CTBP2: variants seen among roughly 807,000 people sequenced by gnomAD.
CTBP2 encodes C-terminal binding protein 2.
In CTBP2, 30 loss-of-function variants were observed where a neutral mutation model predicts 80.3. That is an observed-to-expected ratio of 0.37 (90% CI 0.28 to 0.51). The LOEUF (loss-of-function observed/expected upper bound fraction) is 0.51. CTBP2 is among the 20% of genes least tolerant of loss of function. The pLI is 0.93. For missense variants in CTBP2, 1,212 were observed against 1,375.3 expected (o/e 0.88, Z 1.88); for synonymous variants, 594 against 587.4 (o/e 1.01, Z -0.16).
chr10:125,008,814 A>G (rs961988310), intron 1 of CTBP2, among the ~76,000 whole-genome samples: 2 of 152,256 alleles, frequency 1.3e-5, no homozygotes, highest in African/African-American at 4.8e-5. Flanking sequence ...AAGGAAATCA[A>G]TGTACGTTAT....
chr10:125,082,834 T>TC (rs1200908567), intron 2 of CTBP2, among the ~76,000 whole-genome samples: 1 of 152,130 alleles, frequency 6.6e-6, no homozygotes, highest in Non-Finnish European at 1.5e-5. Flanking sequence ...AATGATCCGC[T>TC]CGCCTCGGCC....
rs568291976 is a variant in CTBP2, at chr10:125,150,919, A to G, written c.-206+9400T>C. Among the ~76,000 whole-genome samples, 9 of 149,644 alleles carry G rather than the reference A, an allele frequency of 6.0e-5. No individual in the cohort carries two copies. In the East Asian group the frequency reaches 8.2e-4, roughly 14 times the overall value. On this transcript the variant is annotated intron_variant, in intron 1 of 10. Coordinates refer to the CTBP2 transcript ENST00000337195. ...TCTGGATCACAGACTCACTATGTCC[A>G]GGAAAAGGCCAGACACCTGCCTTGA...
intron 2 of CTBP2, among the ~76,000 whole-genome samples, chr10:125,060,849 G>A (rs770962971): frequency 3.9e-5 from 6 of 152,202 alleles, no homozygotes; most frequent in Non-Finnish European, 7.3e-5. Context: ...ACTGTGGACC[G>A]CAGCTGGAGA....
In CTBP2 at chr10:125,027,551, A is replaced by T. The variant is rs778763156; in HGVS notation, c.209T>A (p.Leu70Gln). 6.2e-7 allele frequency: 1 copy of T among 1,614,138 alleles called. No homozygotes were observed. The highest frequency in any genetic ancestry group is 1.1e-5 in the South Asian group (1 of 91,084). Residue 70 changes from leucine to glutamine, a missense_variant, in exon 1 of 9, where the codon CTG becomes CAG. Transcript: ENST00000309035. The stretch of plus-strand genomic sequence containing the variant: ...TGAGTTATAAACGGCCTCCCGGTAC[A>T]GGTAGGGCTCGGCGGCCACGGGCAG...
intron 2 of CTBP2, among the ~76,000 whole-genome samples, chr10:125,051,369 G>A (rs1962708647): frequency 6.6e-6 from 1 of 152,218 alleles, no homozygotes; most frequent in South Asian, 2.1e-4. Flanking sequence ...GCCAGGCATG[G>A]TGGCTCACGC....
At chr10:125,152,699 C>G (rs1477724283) in intron 1 of CTBP2, among the ~76,000 whole-genome samples, 2 of 152,114 alleles carry the variant, frequency 1.3e-5, no homozygotes, top group Non-Finnish European at 2.9e-5. Context: ...ATTGATTGCC[C>G]TCCTAGTGTG....
chr10:124,992,393 C>T (rs1401612217), intron 8 of CTBP2, among the ~76,000 whole-genome samples: 6 of 151,958 alleles, frequency 3.9e-5, no homozygotes, highest in African/African-American at 7.3e-5. Flanking sequence ...CGCCACCACA[C>T]GTGACTGGGA....
At chr10:125,005,703 A>G in intron 1 of CTBP2, 3 of 1,612,920 alleles carry the variant, frequency 1.9e-6, no homozygotes, top group Non-Finnish European at 2.5e-6. Flanking sequence ...AGAAAATGGT[A>G]CAACTGCCAA....
At chr10:125,102,865 G>A (rs562520136) in intron 2 of CTBP2, among the ~76,000 whole-genome samples, 1 of 152,310 alleles carries the variant, frequency 6.6e-6, no homozygotes, top group Non-Finnish European at 1.5e-5. Context: ...GAGCCAGTGG[G>A]CCTTCTTGCT....
At chr10:125,019,384 G>C (rs1956832166) in intron 1 of CTBP2, among the ~76,000 whole-genome samples, 4 of 152,166 alleles carry the variant, frequency 2.6e-5, no homozygotes, top group African/African-American at 7.2e-5. Flanking sequence ...AAAAGCTTTA[G>C]AATTCTGGCT....
At chr10:125,068,829 C>G (rs1022459952) in intron 2 of CTBP2, among the ~76,000 whole-genome samples, 17 of 152,220 alleles carry the variant, frequency 1.1e-4, no homozygotes, top group Non-Finnish European at 1.9e-4. Context: ...TCCCTTGCAA[C>G]TTGGAGGTCA....
At chr10:125,140,629 C>T (rs1286965873) in intron 1 of CTBP2, among the ~76,000 whole-genome samples, 1 of 152,062 alleles carries the variant, frequency 6.6e-6, no homozygotes, top group Non-Finnish European at 1.5e-5. Flanking sequence ...TCGAGACCAG[C>T]CTGGCTAACA....
chr10:125,042,337 C>A (rs1465856160), intron 2 of CTBP2, among the ~76,000 whole-genome samples: 1 of 151,986 alleles, frequency 6.6e-6, no homozygotes, highest in Non-Finnish European at 1.5e-5. Flanking sequence ...CAAGCCAGCA[C>A]CCCCGATCCA....
intron 2 of CTBP2, among the ~76,000 whole-genome samples, chr10:125,099,484 C>A (rs1028661462): frequency 6.6e-6 from 1 of 152,196 alleles, no homozygotes; most frequent in Non-Finnish European, 1.5e-5. Context: ...GCCCTCCCCC[C>A]AAGTTCACTG....
chr10:125,097,902 G>A (rs1849790733), intron 2 of CTBP2, among the ~76,000 whole-genome samples: 1 of 152,164 alleles, frequency 6.6e-6, no homozygotes, highest in African/African-American at 2.4e-5. Context: ...GGATCATGCA[G>A]GTGGATCACT....
At chr10:125,092,592 C>A (rs1848939941) in intron 2 of CTBP2, among the ~76,000 whole-genome samples, 1 of 152,138 alleles carries the variant, frequency 6.6e-6, no homozygotes, top group South Asian at 2.1e-4. Context: ...CAGATCTGGA[C>A]AGACACACAC....
At chr10:125,157,616 C>T (rs989185231) in intron 1 of CTBP2, among the ~76,000 whole-genome samples, 2 of 151,776 alleles carry the variant, frequency 1.3e-5, no homozygotes, top group African/African-American at 2.4e-5. Flanking sequence ...TGCCTTCAAC[C>T]CTCTCTCCCT....
At chr10:125,015,306 T>A (rs1956358256) in intron 1 of CTBP2, among the ~76,000 whole-genome samples, 1 of 152,230 alleles carries the variant, frequency 6.6e-6, no homozygotes, top group Non-Finnish European at 1.5e-5. Context: ...CATTAGCTTC[T>A]CTTCGAGTCC....
chr10:125,065,228 C>G (rs1416362380), intron 2 of CTBP2, among the ~76,000 whole-genome samples: 2 of 152,140 alleles, frequency 1.3e-5, no homozygotes, highest in African/African-American at 4.8e-5. Context: ...GTCCAGCCAT[C>G]ATCAGATCCA....
Sources: gnomAD v4.1 joint callset for allele counts (sites outside exome capture counted in the v4.1 genomes callset) on GRCh38, gnomAD v4.1.1 for gene constraint, MANE v1.5 for transcripts, NCBI Gene and HGNC (gene_info 2026-07-23, HGNC 2026-07-21) for gene names.